RBFOX1: variants seen among roughly 807,000 people sequenced by gnomAD.
The protein encoded by RBFOX1 is RNA binding fox-1 homolog 1, also known as RNA binding protein fox-1 homolog 1.
RBFOX1 carries 8 observed loss-of-function variants against 57.7 expected under a neutral mutation model. That is an observed-to-expected ratio of 0.14 (90% CI 0.08 to 0.25). RBFOX1 has a LOEUF of 0.25. RBFOX1 is among the 10% of genes least tolerant of loss of function. RBFOX1 has a pLI of 1.00. For missense variants in RBFOX1, 611 were observed against 548.5 expected (o/e 1.11, Z -1.14); for synonymous variants, 326 against 222.4 (o/e 1.47, Z -4.15).
rs1191735666 is a variant in RBFOX1, at chr16:6,516,498, G to A, written c.-63-138105G>A. Among the ~76,000 whole-genome samples the A allele has an allele frequency of 2.0e-5, 3 of 152,162 alleles. No homozygotes were observed. In the East Asian group the frequency reaches 5.8e-4, roughly 29 times the overall value. Reference sequence around the variant, plus strand: ...TATTTTATGTTCATATGTTTAAAATGTCTTTGTTTCAGAGGAAAAACTCCT... The same window carrying A: ...TATTTTATGTTCATATGTTTAAAATATCTTTGTTTCAGAGGAAAAACTCCT... On this transcript the variant is annotated intron_variant, in intron 2 of 15. Transcript: ENST00000550418.
At chr16:7,284,734 G>A (rs912881864) in intron 4 of RBFOX1, among the ~76,000 whole-genome samples, 1 of 152,242 alleles carries the variant, frequency 6.6e-6, no homozygotes, top group East Asian at 1.9e-4. Context: ...CGACCTCACG[G>A]TTTATCTGTG....
At chr16:5,335,454 C>G (rs532861868) in intron 1 of RBFOX1, among the ~76,000 whole-genome samples, 1 of 152,286 alleles carries the variant, frequency 6.6e-6, no homozygotes, top group African/African-American at 2.4e-5. Context: ...TTGCTGTCTC[C>G]TTCCTCTTCT....
intron 4 of RBFOX1, among the ~76,000 whole-genome samples, chr16:7,257,722 C>G (rs1279903055): frequency 6.6e-6 from 1 of 152,172 alleles, no homozygotes; most frequent in South Asian, 2.1e-4. Context: ...TTGCTCTGTT[C>G]TGCATAGATG....
intron 2 of RBFOX1, among the ~76,000 whole-genome samples, chr16:6,519,401 A>G (rs1335760376): frequency 1.3e-5 from 2 of 152,054 alleles, no homozygotes; most frequent in African/African-American, 4.8e-5. Flanking sequence ...GAGAATATTC[A>G]TTTCTGATGG....
At chr16:6,813,855 C>A (rs1445498434) in intron 3 of RBFOX1, among the ~76,000 whole-genome samples, 1 of 152,100 alleles carries the variant, frequency 6.6e-6, no homozygotes, top group Non-Finnish European at 1.5e-5. Context: ...CTCTGGCTTC[C>A]ATCTGAGCTC....
intron 3 of RBFOX1, among the ~76,000 whole-genome samples, chr16:6,663,150 A>ATG (rs1383687885): frequency 8.5e-5 from 13 of 152,320 alleles, no homozygotes; most frequent in Admixed American, 3.3e-4. Context: ...AACTAGAGCC[A>ATG]TGTAGGAGAT....
At chr16:5,504,269 G>A (rs8063955) in intron 2 of RBFOX1, among the ~76,000 whole-genome samples, 4,138 of 152,320 alleles carry the variant, frequency 0.027, 142 homozygotes, top group African/African-American at 0.081. Context: ...GCACAGAGCA[G>A]GCCGCCTCCC....
intron 4 of RBFOX1, among the ~76,000 whole-genome samples, chr16:7,482,971 C>A (rs765339157): frequency 2.6e-4 from 39 of 152,148 alleles, no homozygotes; most frequent in Non-Finnish European, 5.0e-4. Flanking sequence ...GCTAGGAGAT[C>A]TGAAAATGTG....
At chr16:6,204,607 C>T (rs534900304) in intron 1 of RBFOX1, among the ~76,000 whole-genome samples, 14 of 152,112 alleles carry the variant, frequency 9.2e-5, no homozygotes, top group Admixed American at 2.0e-4. Flanking sequence ...GGGAAGAAAG[C>T]AGGTGACATT....
chr16:6,469,238 G>A (rs2095119621), intron 2 of RBFOX1, among the ~76,000 whole-genome samples: 1 of 152,136 alleles, frequency 6.6e-6, no homozygotes, highest in African/African-American at 2.4e-5. Flanking sequence ...GGAAAATAAT[G>A]TAATGCTGCC....
chr16:7,571,403 C>T (rs931086718), intron 5 of RBFOX1, among the ~76,000 whole-genome samples: 2 of 152,062 alleles, frequency 1.3e-5, no homozygotes, highest in Admixed American at 6.6e-5. Context: ...CTGGATTGGT[C>T]GATATCAAAA....
intron 4 of RBFOX1, among the ~76,000 whole-genome samples, chr16:7,053,061 C>T (rs764901165): frequency 1.3e-5 from 2 of 152,196 alleles, no homozygotes; most frequent in Admixed American, 1.3e-4. Flanking sequence ...AGGCCTAATG[C>T]CTTCATACAC....
chr16:7,092,993 G>A (rs1424278725), intron 4 of RBFOX1, among the ~76,000 whole-genome samples: 1 of 152,154 alleles, frequency 6.6e-6, no homozygotes, highest in African/African-American at 2.4e-5. Flanking sequence ...ATTGCCTCTG[G>A]CAGTCAAAGG....
intron 1 of RBFOX1, among the ~76,000 whole-genome samples, chr16:6,088,592 T>C (rs892853211): frequency 6.6e-6 from 1 of 151,730 alleles, no homozygotes; most frequent in Non-Finnish European, 1.5e-5. Context: ...GTATGTTGCA[T>C]GCCAAAGACA....
chr16:5,552,676 ACT>A (rs2045510763), intron 2 of RBFOX1, among the ~76,000 whole-genome samples: 1 of 152,036 alleles, frequency 6.6e-6, no homozygotes, highest in African/African-American at 2.4e-5. Context: ...ACATTGAGAA[ACT>A]CTATTCTGCC....
intron 2 of RBFOX1, among the ~76,000 whole-genome samples, chr16:6,407,175 A>G (rs1042539454): frequency 1.3e-5 from 2 of 152,118 alleles, no homozygotes; most frequent in African/African-American, 4.8e-5. Context: ...GTATCTATCT[A>G]TATGTCTATA....
Position 6,019,106 on chromosome 16 carries a change from CAT to C in RBFOX1, c.-1012_-1011del. The stretch of plus-strand genomic sequence containing the variant: ...ACACAGACACACACGCACACACACA[CAT>C]GCACACATTTTCTCGCGCTCTCTCC... On this transcript the variant is annotated 5_prime_UTR_variant, in exon 1 of 16. It removes an upstream start codon present in the reference 5' UTR. Transcript: ENST00000550418. This position sits in a 1 kb window ranked among gnomAD's most constrained non-coding sequence, Gnocchi z 4.2. 2 of 985,062 alleles carry C rather than the reference CAT, an allele frequency of 2.0e-6. No homozygotes were observed. The highest frequency in any genetic ancestry group is 2.4e-6 in the Non-Finnish European group (2 of 829,906). The allele number at this position is 985,062 out of a possible 1,614,324, so 61.0% of individuals were successfully genotyped here.
chr16:6,537,504 C>G (rs528426554), intron 2 of RBFOX1, among the ~76,000 whole-genome samples: 1 of 152,264 alleles, frequency 6.6e-6, no homozygotes, highest in African/African-American at 2.4e-5. Context: ...TATAAGCTTA[C>G]AGATGTTTAG....
chr16:5,294,127 G>A (rs906814348), intron 1 of RBFOX1, among the ~76,000 whole-genome samples: 10 of 152,176 alleles, frequency 6.6e-5, no homozygotes, highest in African/African-American at 9.7e-5. Context: ...TACTCGGGAG[G>A]CTGAGGTAGG....
Sources: allele counts gnomAD v4.1 joint callset (sites outside exome capture counted in the v4.1 genomes callset), GRCh38; gene constraint gnomAD v4.1.1; non-coding constraint Gnocchi (gnomAD v3.1); transcripts MANE v1.5; gene names NCBI Gene and HGNC (gene_info 2026-07-23, HGNC 2026-07-21).